The following FLRT2 variants were observed in gnomAD, a reference collection of about 807,000 sequenced individuals.
FLRT2 encodes fibronectin leucine rich transmembrane protein 2, also known as leucine-rich repeat transmembrane protein FLRT2.
FLRT2 carries 15 observed loss-of-function variants against 40.0 expected under a neutral mutation model. The observed-to-expected ratio is 0.38, with a 90% CI of 0.25 to 0.58. FLRT2 has a LOEUF of 0.58. Among genes scored for constraint, FLRT2 ranks in the 20% least tolerant of loss-of-function variants. FLRT2 has a pLI of 0.71. For missense variants in FLRT2, 726 were observed against 840.0 expected (o/e 0.86, Z 1.68); for synonymous variants, 380 against 336.8 (o/e 1.13, Z -1.41).
rs184604348 is a variant in FLRT2 at position 85,630,059 on chromosome 14, A to C, written c.*6562A>C. The C allele has an allele frequency of 6.6e-6, 1 of 152,160 alleles. No homozygotes were observed. The highest frequency in any genetic ancestry group is 1.5e-5 in the Non-Finnish European group (1 of 68,022). The allele number at this position is 152,160 out of a possible 1,614,324, so 9.4% of individuals were successfully genotyped here. ...CTAAGTATTTTGTAGATTCCGCTGAAAAAGCACGTATGTCACAATCTATTA... is the reference window on the plus strand; with the variant it reads ...CTAAGTATTTTGTAGATTCCGCTGACAAAGCACGTATGTCACAATCTATTA... On this transcript the variant is annotated 3_prime_UTR_variant, in exon 2 of 2. Transcript: ENST00000330753.
chr14:85,607,985 T>C (rs532909008), intron 1 of FLRT2, among the ~76,000 whole-genome samples: 1 of 152,062 alleles, frequency 6.6e-6, no homozygotes, highest in African/African-American at 2.4e-5. Context: ...GGTCCTCACA[T>C]GGTCTTCCCT....
Position 85,626,592 on chromosome 14 carries a change from T to C in FLRT2, c.*3095T>C, listed in dbSNP as rs1228933438. Reference sequence around the variant, plus strand: ...TAATACCTGCTTGTTTGGGGAGATATGTTTGATTATAGAGAGACTCTGGGC... The same window carrying C: ...TAATACCTGCTTGTTTGGGGAGATACGTTTGATTATAGAGAGACTCTGGGC... On this transcript the variant is annotated 3_prime_UTR_variant, in exon 2 of 2. Transcript: ENST00000330753. The C allele has an allele frequency of 6.0e-6, 1 of 167,074 alleles. No homozygotes were observed. The highest frequency in any genetic ancestry group is 1.5e-5 in the Non-Finnish European group (1 of 68,120). 10.3% of individuals were successfully genotyped at this position (167,074 alleles called of 1,614,324 possible).
chr14:85,642,132 C>CAAAAAAAAAAAA lies in FLRT2; in HGVS notation c.*18639_*18650dup, dbSNP rs34224453. ...CTTACAGTTTCAAGGTTGCTGTTGA[C>CAAAAAAAAAAAA]AAAAAAAAAAAAAAAGAAAGAAAGA... On this transcript the variant is annotated 3_prime_UTR_variant, in exon 2 of 2. Coordinates refer to ENST00000330753, the MANE Select transcript of FLRT2 (RefSeq NM_013231.6). 4.7e-5 allele frequency: 6 copies of CAAAAAAAAAAAA among 128,572 alleles called. No homozygotes were observed. Among genetic ancestry groups the CAAAAAAAAAAAA allele is most frequent in the South Asian group, 2.6e-4 (1 of 3,868 alleles). The allele number at this position is 128,572 out of a possible 1,614,324, so 8.0% of individuals were successfully genotyped here.
At position 85,638,019 on chromosome 14, in the gene FLRT2, C is replaced by T. The variant is rs897648096; in HGVS notation, c.*14522C>T. 2 of 152,184 alleles carry T rather than the reference C, an allele frequency of 1.3e-5. No homozygotes were observed. Among genetic ancestry groups the T allele is most frequent in the East Asian group, 3.9e-4 (2 of 5,156 alleles). The allele number at this position is 152,184 out of a possible 1,614,324, so 9.4% of individuals were successfully genotyped here. On this transcript the variant is annotated 3_prime_UTR_variant, in exon 2 of 2. Coordinates refer to ENST00000330753, the MANE Select transcript of FLRT2 (RefSeq NM_013231.6). ...ATCACTACAAAATGTATACACATTA[C>T]CTAGATTTTCAAGAAGTGAAATGTT... is the stretch of plus-strand genomic sequence containing the variant.
intron 1 of FLRT2, among the ~76,000 whole-genome samples, chr14:85,583,073 T>G (rs1891462485): frequency 6.6e-6 from 1 of 152,094 alleles, no homozygotes; most frequent in African/African-American, 2.4e-5. Context: ...GAAATGAAAT[T>G]GTCCTTGTGA....
chr14:85,586,450 G>A (rs1191623909), intron 1 of FLRT2, among the ~76,000 whole-genome samples: 2 of 152,100 alleles, frequency 1.3e-5, no homozygotes, highest in African/African-American at 2.4e-5. Flanking sequence ...GAGATTTGCT[G>A]TACAACATTG....
intron 1 of FLRT2, among the ~76,000 whole-genome samples, chr14:85,617,634 G>C: frequency 6.6e-6 from 1 of 152,142 alleles, no homozygotes; most frequent in East Asian, 1.9e-4. Flanking sequence ...TTTAAATGTA[G>C]AAAATCATTA....
chr14:85,579,925 ATTT>A (rs4015970), intron 1 of FLRT2, among the ~76,000 whole-genome samples: 27 of 117,562 alleles, frequency 2.3e-4, no homozygotes, highest in African/African-American at 7.7e-4. Flanking sequence ...GGGTATTAGA[ATTT>A]TTTTTTTTTT....
rs137871083 is a variant in FLRT2, at chr14:85,536,044, T to C, written c.-377+5510T>C. 9.0e-3 allele frequency among the ~76,000 whole-genome samples: 1,374 copies of C among 151,844 alleles called. 19 individuals carry two copies. Among genetic ancestry groups the C allele is most frequent in the African/African-American group, 0.031 (1,301 of 41,396 alleles). On this transcript the variant is annotated intron_variant, in intron 1 of 1. Coordinates refer to ENST00000330753, the MANE Select transcript of FLRT2 (RefSeq NM_013231.6). ...GAAAGTAGATTCCCAAATGACACCA[T>C]GCTGGGCTACCCTGGAGTCCCCAAA...
chr14:85,604,831 G>A (rs994540133), intron 1 of FLRT2, among the ~76,000 whole-genome samples: 2 of 152,166 alleles, frequency 1.3e-5, no homozygotes, highest in African/African-American at 4.8e-5. Flanking sequence ...TTCCTGCTGT[G>A]TGTGTTGGCA....
At chr14:85,550,623 G>C (rs1033300204) in intron 1 of FLRT2, among the ~76,000 whole-genome samples, 14 of 152,096 alleles carry the variant, frequency 9.2e-5, no homozygotes, top group Admixed American at 4.6e-4. Context: ...CTTCCTTTCT[G>C]ATTCTTGGAG....
intron 1 of FLRT2, among the ~76,000 whole-genome samples, chr14:85,611,917 C>CGT (rs71120529): frequency 0.15 from 19,643 of 130,688 alleles, 1,504 homozygotes; most frequent in Admixed American, 0.18. Flanking sequence ...TGCGCGAAAG[C>CGT]GTGTGTGTGT....
chr14:85,553,542 T>C (rs1447959201), intron 1 of FLRT2, among the ~76,000 whole-genome samples: 3 of 152,196 alleles, frequency 2.0e-5, no homozygotes, highest in Admixed American at 6.5e-5. Flanking sequence ...GGGCTGTGGG[T>C]TGGACAAGCT....
At chr14:85,548,599 A>G (rs935440317) in intron 1 of FLRT2, among the ~76,000 whole-genome samples, 2 of 152,248 alleles carry the variant, frequency 1.3e-5, no homozygotes, top group African/African-American at 4.8e-5. Flanking sequence ...AAAACCATAG[A>G]CTAGCTTGCT....
chr14:85,636,953 A>G lies in FLRT2; in HGVS notation c.*13456A>G, dbSNP rs1304506204. On this transcript the variant is annotated 3_prime_UTR_variant, in exon 2 of 2. Coordinates refer to ENST00000330753, the MANE Select transcript of FLRT2 (RefSeq NM_013231.6). The stretch of plus-strand genomic sequence containing the variant: ...CCAAAAAAAAAAAAAAAAAAAAAAA[A>G]AGAGAGAGACTAACATTCTAACAGA... 4 of 150,350 alleles carry G rather than the reference A, an allele frequency of 2.7e-5. No homozygotes were observed. Among genetic ancestry groups the G allele is most frequent in the Admixed American group, 6.6e-5 (1 of 15,050 alleles). The allele number at this position is 150,350 out of a possible 1,614,324, so 9.3% of individuals were successfully genotyped here. A position where few individuals can be genotyped will look rare whatever the true frequency, so the allele number is the denominator to read the frequency against.
chr14:85,561,213 G>A (rs1299066340), intron 1 of FLRT2: 1 of 152,206 alleles, frequency 6.6e-6, no homozygotes, highest in African/African-American at 2.4e-5. Flanking sequence ...CTCCTGAGCA[G>A]TGTGTAATTC....
chr14:85,571,203 A>C (rs1890877713), intron 1 of FLRT2, among the ~76,000 whole-genome samples: 1 of 152,192 alleles, frequency 6.6e-6, no homozygotes, highest in African/African-American at 2.4e-5. Context: ...AAACGATGTC[A>C]TCTTAAGAAT....
chr14:85,593,844 C>G (rs1485707334), intron 1 of FLRT2, among the ~76,000 whole-genome samples: 1 of 152,160 alleles, frequency 6.6e-6, no homozygotes, highest in Non-Finnish European at 1.5e-5. Context: ...GAGGTTGAGA[C>G]TAGCCTGGCC....
At position 85,629,679 on chromosome 14, in the gene FLRT2, T is replaced by C. The variant is rs966851334; in HGVS notation, c.*6182T>C. 5 of 152,192 alleles carry C rather than the reference T, an allele frequency of 3.3e-5. No individual in the cohort carries two copies. Among genetic ancestry groups the C allele is most frequent in the Non-Finnish European group, 7.3e-5 (5 of 68,030 alleles). The allele number at this position is 152,192 out of a possible 1,614,324, so 9.4% of individuals were successfully genotyped here. On this transcript the variant is annotated 3_prime_UTR_variant, in exon 2 of 2. Coordinates refer to ENST00000330753, the MANE Select transcript of FLRT2 (RefSeq NM_013231.6). ...TGAGCATGACTCCATGGACTCTTAA[T>C]TGTTTTCCTGCCTCTTAATAAATTG...
Sources: gnomAD v4.1 joint callset for allele counts (sites outside exome capture counted in the v4.1 genomes callset) on GRCh38, gnomAD v4.1.1 for gene constraint, MANE v1.5 for transcripts, NCBI Gene and HGNC (gene_info 2026-07-23, HGNC 2026-07-21) for gene names.